The following DHX32 variants were observed in gnomAD, a reference collection of about 807,000 sequenced individuals.
The protein encoded by DHX32 is DEAH-box helicase 32 (putative), also known as putative pre-mRNA-splicing factor ATP-dependent RNA helicase DHX32.
DHX32 carries 51 observed loss-of-function variants against 70.0 expected under a neutral mutation model. The observed-to-expected ratio is 0.73, with a 90% CI of 0.58 to 0.92. The LOEUF (loss-of-function observed/expected upper bound fraction) is 0.92, where lower values mean the gene tolerates loss of function less well. Ranked by LOEUF, DHX32 falls within the 40% of genes least tolerant of loss-of-function variation. The pLI, the probability that DHX32 is intolerant of heterozygous loss-of-function variation, is 0.00. For missense variants in DHX32, 762 were observed against 891.8 expected (o/e 0.85, Z 1.85); for synonymous variants, 310 against 315.3 (o/e 0.98, Z 0.18).
chr10:125,850,288 T>A (rs1944073452), intron 6 of DHX32, among the ~76,000 whole-genome samples: 2 of 151,662 alleles, frequency 1.3e-5, no homozygotes, highest in African/African-American at 4.8e-5. Flanking sequence ...CTGCAGAATC[T>A]TTAATTCCTC....
chr10:125,880,584 C>T lies in DHX32; in HGVS notation c.241G>A (p.Val81Met), dbSNP rs143250708. 1.4e-5 allele frequency: 23 copies of T among 1,612,868 alleles called. No homozygotes were observed. The highest frequency in any genetic ancestry group is 1.7e-4 in the Middle Eastern group (1 of 6,058). The change falls in exon 1 of 11, where the codon GTG (valine) becomes ATG (methionine). Residue 81 changes from valine (V) to methionine (M), a missense_variant. By Grantham distance (21) the Val-to-Met change is conservative. This residue lies in a region of DHX32 where 394 missense variants were observed against 473.1 expected (regional missense o/e 0.83). Coordinates refer to ENST00000284690, the MANE Select transcript of DHX32 (RefSeq NM_018180.3). The part of the protein sequence containing the change: ...FMENLLQNQI[V>M]IVSGDAKCGK... ...CATTTAGCATCTCCTGAAACAATCA[C>T]GATTTGATTTTGAAGCAGGTTCTCC...
chr10:125,852,502 C>T, intron 5 of DHX32, 41 bp downstream of exon 5: 1 of 1,613,030 alleles, frequency 6.2e-7, no homozygotes, highest in Non-Finnish European at 8.5e-7. Context: ...TGCCTGCATA[C>T]AAGAATTGAC....
chr10:125,849,038 A>C (rs1280218772), intron 6 of DHX32, among the ~76,000 whole-genome samples: 5 of 152,172 alleles, frequency 3.3e-5, no homozygotes, highest in Admixed American at 3.3e-4. Flanking sequence ...CATCTACCCC[A>C]GTTTACCCAG....
At chr10:125,869,435 G>A (rs1477646899) in intron 1 of DHX32, 2 of 152,250 alleles carry the variant, frequency 1.3e-5, no homozygotes, top group African/African-American at 4.8e-5. Flanking sequence ...AATTAGCTGG[G>A]TGTGGTGGCG....
intron 6 of DHX32, among the ~76,000 whole-genome samples, chr10:125,845,387 CATT>C (rs1309640665): frequency 1.8e-4 from 28 of 152,190 alleles, no homozygotes; most frequent in African/African-American, 5.8e-4. Flanking sequence ...AGGTAGCTGA[CATT>C]ATGCAAATGT....
intron 3 of DHX32, among the ~76,000 whole-genome samples, chr10:125,859,288 A>C (rs1432019698): frequency 6.6e-6 from 1 of 152,146 alleles, no homozygotes. Flanking sequence ...TACTGTACCA[A>C]GAGACAATTC....
intron 1 of DHX32, among the ~76,000 whole-genome samples, chr10:125,892,305 T>C (rs1186696057): frequency 1.3e-5 from 2 of 152,310 alleles, no homozygotes; most frequent in Non-Finnish European, 2.9e-5. Context: ...TTCAGCAACA[T>C]CTCCAATTTT....
chr10:125,845,170 C>T (rs954174402), intron 6 of DHX32, among the ~76,000 whole-genome samples: 2 of 152,196 alleles, frequency 1.3e-5, no homozygotes, highest in African/African-American at 2.4e-5. Context: ...GACAGCCCCA[C>T]GCGGCATGTT....
rs1944313825 is a variant in DHX32, at chr10:125,880,997, C to T, written c.-173G>A. On this transcript the variant is annotated 5_prime_UTR_variant, in exon 1 of 11. Coordinates refer to ENST00000284690, the MANE Select transcript of DHX32 (RefSeq NM_018180.3). ...AATTCCTCAAACCTGCATCTGTTCT[C>T]CGTTGCTGTGTTACCCACTGTGCTG... The T allele has an allele frequency of 5.4e-6, 4 of 737,204 alleles. No individual in the cohort carries two copies. The allele number at this position is 737,204 out of a possible 1,614,324, so 45.7% of individuals were successfully genotyped here.
At chr10:125,856,794 CAAA>C (rs780390974) in intron 3 of DHX32, among the ~76,000 whole-genome samples, 1 of 150,510 alleles carries the variant, frequency 6.6e-6, no homozygotes, top group African/African-American at 2.5e-5. Flanking sequence ...AAAAAAAAAA[CAAA>C]AAACAAAAAC....
intron 2 of DHX32, among the ~76,000 whole-genome samples, chr10:125,864,026 T>C (rs1944204982): frequency 6.6e-6 from 1 of 152,172 alleles, no homozygotes; most frequent in African/African-American, 2.4e-5. Flanking sequence ...TCTATAAGGT[T>C]ACAAGTGAGT....
At chr10:125,888,071 C>T (rs1003803664) in intron 1 of DHX32, among the ~76,000 whole-genome samples, 1 of 152,128 alleles carries the variant, frequency 6.6e-6, no homozygotes, top group Non-Finnish European at 1.5e-5. Context: ...CATGATCTGA[C>T]TCATAGTTTG....
chr10:125,848,773 C>T (rs1369392376), intron 6 of DHX32, among the ~76,000 whole-genome samples: 1 of 152,168 alleles, frequency 6.6e-6, no homozygotes, highest in African/African-American at 2.4e-5. Flanking sequence ...GTCACTCAGA[C>T]GATGACTGTG....
At chr10:125,863,213 G>A (rs1320801326) in intron 2 of DHX32, among the ~76,000 whole-genome samples, 1 of 151,952 alleles carries the variant, frequency 6.6e-6, no homozygotes, top group Non-Finnish European at 1.5e-5. Context: ...ATCTTGATAT[G>A]TAGTTCCTAA....
In DHX32 at chr10:125,863,196, A is replaced by G. The variant is rs578255347; in HGVS notation, c.477-3221T>C. Reference sequence around the variant, plus strand: ...CCATTTGACACTATGAGTCACTTCTATGAGATATCTTGATATGTAGTTCCT... The same window carrying G: ...CCATTTGACACTATGAGTCACTTCTGTGAGATATCTTGATATGTAGTTCCT... On this transcript the variant is annotated intron_variant, in intron 2 of 10. Coordinates refer to ENST00000284690, the MANE Select transcript of DHX32 (RefSeq NM_018180.3). Among the ~76,000 whole-genome samples the G allele has an allele frequency of 2.6e-5, 4 of 152,138 alleles. No homozygotes were observed. The South Asian group carries it at 8.3e-4, about 32-fold the overall frequency.
upstream of DHX32, among the ~76,000 whole-genome samples, chr10:125,882,460 C>CCT (rs1193786661): frequency 6.6e-6 from 1 of 152,006 alleles, no homozygotes; most frequent in Non-Finnish European, 1.5e-5. Flanking sequence ...AAAACATTTG[C>CCT]TGAGTGTCTT....
At chr10:125,884,774 G>C (rs1944333739), upstream of DHX32, among the ~76,000 whole-genome samples, 1 of 151,984 alleles carries the variant, frequency 6.6e-6, no homozygotes, top group Non-Finnish European at 1.5e-5. Context: ...ACCATTCAGT[G>C]CTCCTCTTTT....
In DHX32 at chr10:125,871,452, G is replaced by A. The variant is rs144449446; in HGVS notation, c.283-4269C>T. ...GAAGTCACAACAAATTATACTGCACGTACTCAACTGTGGCTCTGACCACAT... is the reference window on the plus strand; with the variant it reads ...GAAGTCACAACAAATTATACTGCACATACTCAACTGTGGCTCTGACCACAT... On this transcript the variant is annotated intron_variant, in intron 1 of 10. Transcript: ENST00000284690. 7.2e-4 allele frequency among the ~76,000 whole-genome samples: 110 copies of A among 152,312 alleles called. No homozygotes were observed. In the South Asian group the frequency reaches 9.7e-3, roughly 13 times the overall value.
At chr10:125,840,524 T>C (rs1410134630) in intron 8 of DHX32, among the ~76,000 whole-genome samples, 1 of 152,238 alleles carries the variant, frequency 6.6e-6, no homozygotes, top group East Asian at 1.9e-4. Context: ...TGTTCTTGTC[T>C]TCCTCCAAAG....
Sources: allele counts gnomAD v4.1 joint callset (sites outside exome capture counted in the v4.1 genomes callset), GRCh38; gene constraint gnomAD v4.1.1; regional missense constraint gnomAD v4.1.1; transcripts MANE v1.5; gene names NCBI Gene and HGNC (gene_info 2026-07-23, HGNC 2026-07-21).